The following NAV2 variants were observed in gnomAD, a reference collection of about 807,000 sequenced individuals.
NAV2 encodes neuron navigator 2.
In NAV2, 54 loss-of-function variants were observed where a neutral mutation model predicts 223.2. The ratio of observed to expected loss-of-function variants is 0.24; its 90% CI spans 0.19 to 0.30. NAV2 has a LOEUF of 0.30. Among genes scored for constraint, NAV2 ranks in the 10% least tolerant of loss-of-function variants. The probability of loss-of-function intolerance (pLI) is 1.00; values close to 1 mark genes in which losing one functional copy is unlikely to be tolerated. For synonymous variants in NAV2, 1,279 were observed against 1,239.3 expected (o/e 1.03, Z -0.67); for missense variants, 2,806 against 3,147.5 (o/e 0.89, Z 2.60).
At chr11:19,583,526 G>C (rs1256200424) in intron 1 of NAV2, among the ~76,000 whole-genome samples, 1 of 152,136 alleles carries the variant, frequency 6.6e-6, no homozygotes, top group African/African-American at 2.4e-5. Flanking sequence ...GTCATAGATA[G>C]CTCTTATTAT....
intron 24 of NAV2, among the ~76,000 whole-genome samples, chr11:20,079,222 G>A (rs1453088120): frequency 6.6e-6 from 1 of 152,102 alleles, no homozygotes; most frequent in East Asian, 1.9e-4. Flanking sequence ...TGTATTTTTA[G>A]TAGAGACAGG....
chr11:19,641,803 A>G (rs2047675259), intron 1 of NAV2, among the ~76,000 whole-genome samples: 1 of 151,770 alleles, frequency 6.6e-6, no homozygotes, highest in African/African-American at 2.4e-5. Flanking sequence ...CACAGCCTCT[A>G]TTGCTATGGC....
chr11:19,720,751 A>T (rs1210719887), intron 1 of NAV2, among the ~76,000 whole-genome samples: 1 of 152,184 alleles, frequency 6.6e-6, no homozygotes, highest in Non-Finnish European at 1.5e-5. Flanking sequence ...TAATCCTCAC[A>T]ACATCCCATG....
At chr11:19,794,323 C>T (rs1448428937) in intron 1 of NAV2, among the ~76,000 whole-genome samples, 3 of 152,252 alleles carry the variant, frequency 2.0e-5, no homozygotes, top group Non-Finnish European at 4.4e-5. Context: ...CGCCATATAT[C>T]GTTGTCACAT....
At chr11:20,100,849 C>A in intron 31 of NAV2, 88 bp from the exon 32 acceptor site, 2 of 1,121,884 alleles carry the variant, frequency 1.8e-6, no homozygotes, top group South Asian at 1.4e-5. Context: ...GAGGAATCAC[C>A]TCAGGTCTTG....
intron 1 of NAV2, among the ~76,000 whole-genome samples, chr11:19,412,655 G>A (rs931964354): frequency 6.6e-6 from 1 of 152,210 alleles, no homozygotes; most frequent in South Asian, 2.1e-4. Flanking sequence ...GGGGTTTACA[G>A]ACACCTCATA....
intron 1 of NAV2, among the ~76,000 whole-genome samples, chr11:19,630,437 C>T (rs552500656): frequency 1.6e-4 from 25 of 152,042 alleles, no homozygotes; most frequent in Admixed American, 5.2e-4. Context: ...AACTGGATTC[C>T]GAGGAACCCT....
chr11:19,393,645 A>T (rs1332452057), intron 1 of NAV2, among the ~76,000 whole-genome samples: 2 of 152,234 alleles, frequency 1.3e-5, no homozygotes, highest in Non-Finnish European at 2.9e-5. Flanking sequence ...GTCAAATTAA[A>T]ATTTATTTTT....
chr11:19,362,772 G>GTATTA (rs1854032047), intron 1 of NAV2, among the ~76,000 whole-genome samples: 1 of 151,986 alleles, frequency 6.6e-6, no homozygotes, highest in African/African-American at 2.4e-5. Context: ...GGTAATAATA[G>GTATTA]TATTATTATC....
intron 1 of NAV2, among the ~76,000 whole-genome samples, chr11:19,579,629 G>A (rs146928265): frequency 1.3e-3 from 193 of 152,294 alleles, no homozygotes; most frequent in African/African-American, 3.6e-3. Flanking sequence ...TAGACACTTC[G>A]TTGTAAGGCA....
intron 1 of NAV2, among the ~76,000 whole-genome samples, chr11:19,485,169 A>G (rs976694907): frequency 6.6e-6 from 1 of 152,092 alleles, no homozygotes; most frequent in Non-Finnish European, 1.5e-5. Context: ...GGGGCCTAAG[A>G]GCTTTACTTT....
intron 11 of NAV2, among the ~76,000 whole-genome samples, chr11:19,999,496 G>T (rs529820821): frequency 3.6e-4 from 55 of 152,294 alleles, no homozygotes; most frequent in Admixed American, 1.2e-3. Context: ...AGCCTCCCCA[G>T]TAGCTGGGAT....
chr11:19,946,119 G>A (rs1449078392), intron 8 of NAV2, among the ~76,000 whole-genome samples: 3 of 152,214 alleles, frequency 2.0e-5, no homozygotes, highest in Non-Finnish European at 2.9e-5. Flanking sequence ...CTGTGGAAAT[G>A]TGTTTACATC....
intron 26 of NAV2, among the ~76,000 whole-genome samples, chr11:20,089,379 C>T (rs1443175117): frequency 6.6e-6 from 1 of 152,164 alleles, no homozygotes; most frequent in African/African-American, 2.4e-5. Flanking sequence ...GTTCTTTCTG[C>T]CCCCGAAATA....
intron 37 of NAV2, among the ~76,000 whole-genome samples, 164 bp from the exon 38 acceptor site, chr11:20,117,969 T>C (rs533026201): frequency 1.9e-4 from 29 of 152,146 alleles, no homozygotes; most frequent in African/African-American, 5.3e-4. Flanking sequence ...AAGCTGGGAT[T>C]TGAACCCTAG....
Position 19,461,199 on chromosome 11 carries a change from C to T in NAV2, c.75+110172C>T, listed in dbSNP as rs542167068. 9.2e-5 allele frequency among the ~76,000 whole-genome samples: 14 copies of T among 152,264 alleles called. No individual in the cohort carries two copies. In the East Asian group the frequency reaches 1.7e-3, roughly 19 times the overall value. ...GAAAGTTGAAATTTACTCACCAGAG[C>T]TCAGTGCACCATGGAGATTCCCTTC... On this transcript the variant is annotated intron_variant, in intron 1 of 37. Coordinates refer to the NAV2 transcript ENST00000360655.
At chr11:19,697,075 C>A (rs529382259) in intron 1 of NAV2, among the ~76,000 whole-genome samples, 12 of 152,358 alleles carry the variant, frequency 7.9e-5, no homozygotes, top group African/African-American at 2.9e-4. Flanking sequence ...TACCTCAGAA[C>A]TATCCTGGAA....
intron 1 of NAV2, among the ~76,000 whole-genome samples, chr11:19,769,186 T>A (rs1052722500): frequency 1.3e-5 from 2 of 152,202 alleles, no homozygotes; most frequent in Non-Finnish European, 2.9e-5. Context: ...GATGTTGGCA[T>A]TTCACTGGAA....
At chr11:19,448,140 TG>T (rs1213586597) in intron 1 of NAV2, among the ~76,000 whole-genome samples, 2 of 148,696 alleles carry the variant, frequency 1.3e-5, no homozygotes. Flanking sequence ...CACCCCACCC[TG>T]TGCCCCTACC....
Sources: gnomAD v4.1 joint callset for allele counts (sites outside exome capture counted in the v4.1 genomes callset) on GRCh38, gnomAD v4.1.1 for gene constraint, MANE v1.5 for transcripts, NCBI Gene and HGNC (gene_info 2026-07-23, HGNC 2026-07-21) for gene names.